VSTM4: variants seen among roughly 807,000 people sequenced by gnomAD.
VSTM4 encodes V-set and transmembrane domain-containing protein 4.
Under a neutral mutation model 36.4 loss-of-function variants are expected in VSTM4, and 20 were observed. The ratio of observed to expected loss-of-function variants is 0.55; its 90% CI spans 0.39 to 0.80. The LOEUF is 0.80. Among genes scored for constraint, VSTM4 ranks in the 30% least tolerant of loss-of-function variants. VSTM4 has a pLI of 0.00. For missense variants in VSTM4, 392 were observed against 404.5 expected (o/e 0.97, Z 0.26); for synonymous variants, 182 against 173.9 (o/e 1.05, Z -0.37).
At chr10:49,021,664 A>G (rs1183030827) in intron 7 of VSTM4, among the ~76,000 whole-genome samples, 1 of 152,166 alleles carries the variant, frequency 6.6e-6, no homozygotes, top group Non-Finnish European at 1.5e-5. Context: ...ACACTTAGAC[A>G]TCATTTATTT....
intron 2 of VSTM4, 65 bp from the exon 3 acceptor site, chr10:49,086,088 A>C: frequency 9.8e-7 from 1 of 1,021,550 alleles, no homozygotes; most frequent in Non-Finnish European, 1.4e-6. Context: ...CATGGCACTT[A>C]CATTTACAAA....
chr10:49,083,653 A>C (rs1015461101), intron 3 of VSTM4, among the ~76,000 whole-genome samples: 3 of 152,218 alleles, frequency 2.0e-5, no homozygotes. Context: ...TGGGCTACAG[A>C]TTTCATGTAG....
At chr10:49,104,114 C>A (rs1041523371) in intron 2 of VSTM4, among the ~76,000 whole-genome samples, 1 of 152,138 alleles carries the variant, frequency 6.6e-6, no homozygotes, top group Non-Finnish European at 1.5e-5. Context: ...GCCTGGCCAA[C>A]ATGGAGAAAC....
intron 7 of VSTM4, 128 bp downstream of exon 7, chr10:49,046,855 T>A: frequency 1.1e-6 from 1 of 897,340 alleles, no homozygotes; most frequent in South Asian, 1.5e-5. Flanking sequence ...GAATAGAGAA[T>A]GTTTTTGTTT....
intron 2 of VSTM4, chr10:49,103,765 C>T (rs745748191): frequency 1.2e-6 from 2 of 1,613,730 alleles, no homozygotes; most frequent in South Asian, 1.1e-5. Context: ...AGGAAGGAGG[C>T]CATGGTTAAG....
chr10:49,024,599 C>T (rs781192013), intron 7 of VSTM4, among the ~76,000 whole-genome samples: 2 of 152,072 alleles, frequency 1.3e-5, no homozygotes, highest in African/African-American at 2.4e-5. Flanking sequence ...AGAGATAATA[C>T]CTACTTTGTT....
chr10:49,094,145 G>A (rs563164612), intron 2 of VSTM4, among the ~76,000 whole-genome samples: 2 of 150,566 alleles, frequency 1.3e-5, no homozygotes, highest in South Asian at 4.4e-4. Flanking sequence ...GGAAAGCTAG[G>A]AGAGGGGCCA....
chr10:49,028,066 C>T (rs1843290159), intron 7 of VSTM4, among the ~76,000 whole-genome samples: 1 of 152,234 alleles, frequency 6.6e-6, no homozygotes, highest in Non-Finnish European at 1.5e-5. Context: ...AATTGCTCCA[C>T]ATCCTTGTCA....
At chr10:49,077,591 G>T (rs578098735) in intron 3 of VSTM4, among the ~76,000 whole-genome samples, 4 of 152,288 alleles carry the variant, frequency 2.6e-5, no homozygotes, top group Non-Finnish European at 4.4e-5. Context: ...AATCAATGGT[G>T]CTGGGTCAAT....
At position 49,107,696 on chromosome 10, in the gene VSTM4, G is replaced by T. The variant is rs751402577; in HGVS notation, c.355C>A (p.Pro119Thr). ...LYRLSVLTLQPSDQGHYVCRV... is the reference protein window; with the variant it reads ...LYRLSVLTLQTSDQGHYVCRV... ...CAGACGTAATGCCCTTGATCGGAGGGCTGCAGTGTCAAGACGGAGAGCCTG... is the reference window on the plus strand; with the variant it reads ...CAGACGTAATGCCCTTGATCGGAGGTCTGCAGTGTCAAGACGGAGAGCCTG... Residue 119 changes from proline to threonine, a missense_variant, in exon 2 of 8, where the codon CCC (proline) becomes ACC (threonine). Transcript: ENST00000332853. 9.3e-6 allele frequency: 15 copies of T among 1,614,118 alleles called. No individual in the cohort carries two copies. The highest frequency in any genetic ancestry group is 4.0e-5 in the African/African-American group (3 of 74,948).
At chr10:49,028,815 A>G (rs1299997987) in intron 7 of VSTM4, among the ~76,000 whole-genome samples, 1 of 152,250 alleles carries the variant, frequency 6.6e-6, no homozygotes, top group Non-Finnish European at 1.5e-5. Flanking sequence ...GGGTAATACC[A>G]TTATCACAGC....
intron 5 of VSTM4, among the ~76,000 whole-genome samples, chr10:49,055,281 C>T (rs1432675172): frequency 6.6e-6 from 1 of 152,172 alleles, no homozygotes; most frequent in Non-Finnish European, 1.5e-5. Flanking sequence ...CCAGAAACGT[C>T]CATGTATTTC....
chr10:49,020,894 AT>A (rs941083112), intron 7 of VSTM4, among the ~76,000 whole-genome samples: 31 of 152,268 alleles, frequency 2.0e-4, no homozygotes, highest in African/African-American at 6.3e-4. Context: ...ATTCAAGTTT[AT>A]TCTATTCCAG....
chr10:49,108,039 G>A (rs1202605984), intron 1 of VSTM4, 44 bp from the exon 2 acceptor site: 8 of 1,512,772 alleles, frequency 5.3e-6, no homozygotes, highest in East Asian at 2.5e-5. Context: ...AGGGCCCCAA[G>A]TCCCCCTGTG....
rs375130392 is a variant in VSTM4 at position 49,018,012 on chromosome 10, G to A, written c.*1638C>T. The A allele has an allele frequency of 6.6e-6, 1 of 152,280 alleles. No individual in the cohort carries two copies. The highest frequency in any genetic ancestry group is 1.5e-5 in the Non-Finnish European group (1 of 68,028). 9.4% of individuals were successfully genotyped at this position (152,280 alleles called of 1,614,324 possible). A position where few individuals can be genotyped will look rare whatever the true frequency, so the allele number is the denominator to read the frequency against. On this transcript the variant is annotated 3_prime_UTR_variant, in exon 8 of 8. Transcript: ENST00000332853. ...GCAGAGAGGGAGGAATGAGACACAG[G>A]TGTTATCCAGAGAGGGTGAACTTCC... is the stretch of plus-strand genomic sequence containing the variant.
chr10:49,081,209 C>T (rs990973491), intron 3 of VSTM4, among the ~76,000 whole-genome samples: 6 of 152,154 alleles, frequency 3.9e-5, no homozygotes, highest in African/African-American at 7.2e-5. Flanking sequence ...ATGGCAGAGC[C>T]CTTGCTGGCA....
chr10:49,087,217 C>A (rs1212566229), intron 2 of VSTM4, among the ~76,000 whole-genome samples: 1 of 152,006 alleles, frequency 6.6e-6, no homozygotes. Flanking sequence ...TTATTCAGTT[C>A]TATATTATTT....
chr10:49,039,378 G>A (rs760959137), intron 7 of VSTM4, among the ~76,000 whole-genome samples: 5 of 152,118 alleles, frequency 3.3e-5, no homozygotes, highest in South Asian at 2.1e-4. Flanking sequence ...AGCCATTTAC[G>A]CAGGGAAATG....
At chr10:49,086,439 T>C (rs1844372071) in intron 2 of VSTM4, among the ~76,000 whole-genome samples, 1 of 152,250 alleles carries the variant, frequency 6.6e-6, no homozygotes, top group East Asian at 1.9e-4. Context: ...TCAAGGTTAG[T>C]GCTCTGAGCA....
Sources: gnomAD v4.1 joint callset for allele counts (sites outside exome capture counted in the v4.1 genomes callset) on GRCh38, gnomAD v4.1.1 for gene constraint, MANE v1.5 for transcripts, NCBI Gene and HGNC (gene_info 2026-07-23, HGNC 2026-07-21) for gene names.